The following MEF2A variants were observed in gnomAD, a reference collection of about 807,000 sequenced individuals.
MEF2A encodes the protein myocyte-specific enhancer factor 2A.
Under a neutral mutation model 55.8 loss-of-function variants are expected in MEF2A, and 28 were observed. The observed-to-expected ratio is 0.50, with a 90% CI of 0.37 to 0.69. The LOEUF is 0.69. Among genes scored for constraint, MEF2A ranks in the 30% least tolerant of loss-of-function variants. The probability of loss-of-function intolerance (pLI) is 0.00; values close to 1 mark genes in which losing one functional copy is unlikely to be tolerated. For synonymous variants in MEF2A, 239 were observed against 227.1 expected (o/e 1.05, Z -0.47); for missense variants, 528 against 626.2 (o/e 0.84, Z 1.67).
At chr15:99,610,776 A>C (rs1171974163) in intron 2 of MEF2A, among the ~76,000 whole-genome samples, 3 of 152,240 alleles carry the variant, frequency 2.0e-5, no homozygotes, top group Admixed American at 2.0e-4. Flanking sequence ...GAATTGGCTC[A>C]AAGTGGATCA....
chr15:99,607,321 G>C (rs2153154301), intron 2 of MEF2A, among the ~76,000 whole-genome samples: 1 of 152,180 alleles, frequency 6.6e-6, no homozygotes, highest in South Asian at 2.1e-4. Context: ...TGTAACTTGA[G>C]TTTGTAATCA....
intron 9 of MEF2A, chr15:99,706,450 G>T (rs1330973796): frequency 1.3e-5 from 5 of 386,912 alleles, no homozygotes; most frequent in Middle Eastern, 7.9e-4. Flanking sequence ...CTCATTTTGT[G>T]CAACAAATAG....
intron 11 of MEF2A, 125 bp downstream of exon 11, chr15:99,710,885 T>A: frequency 1.8e-6 from 2 of 1,131,888 alleles, no homozygotes; most frequent in East Asian, 2.6e-5. Context: ...CCTTTTCAGG[T>A]AGATACAAGT....
chr15:99,651,474 T>TTCC (rs2046839929), intron 4 of MEF2A, among the ~76,000 whole-genome samples: 1 of 152,076 alleles, frequency 6.6e-6, no homozygotes, highest in Non-Finnish European at 1.5e-5. Flanking sequence ...AGGGCTGCAG[T>TTCC]GGAGCATCAG....
At chr15:99,635,877 A>G (rs1428214355) in intron 3 of MEF2A, among the ~76,000 whole-genome samples, 1 of 152,158 alleles carries the variant, frequency 6.6e-6, no homozygotes, top group East Asian at 1.9e-4. Flanking sequence ...ACTATTATGA[A>G]GACTGTAATT....
intron 2 of MEF2A, among the ~76,000 whole-genome samples, chr15:99,600,579 G>A (rs748717846): frequency 6.6e-6 from 1 of 152,102 alleles, no homozygotes. Context: ...ATTAATTTTT[G>A]TATATGGTGT....
intron 4 of MEF2A, among the ~76,000 whole-genome samples, chr15:99,652,423 C>T (rs2047007156): frequency 6.6e-6 from 1 of 152,168 alleles, no homozygotes; most frequent in Non-Finnish European, 1.5e-5. Flanking sequence ...TGCTGTGCAA[C>T]CTGGTTCCTA....
chr15:99,601,794 G>A (rs1336092821), intron 2 of MEF2A, among the ~76,000 whole-genome samples: 2 of 147,496 alleles, frequency 1.4e-5, no homozygotes, highest in Non-Finnish European at 3.0e-5. Context: ...TTGGATTGTA[G>A]TTTTTGTCTG....
In MEF2A at chr15:99,633,052, G is replaced by A. The variant is rs1029076341; in HGVS notation, c.-68G>A. ...CAGAAGCTGTGTACGATGCATTAGG[G>A]TATTGAAGAAAATTAACTTTTGAAT... On this transcript the variant is annotated 5_prime_UTR_variant, in exon 3 of 12. Coordinates refer to ENST00000557942, the MANE Select transcript of MEF2A (RefSeq NM_001319206.4). 2 of 1,294,696 alleles carry A rather than the reference G, an allele frequency of 1.5e-6. No individual in the cohort carries two copies. The highest frequency in any genetic ancestry group is 1.1e-6 in the Non-Finnish European group (1 of 916,374). 80.2% of individuals were successfully genotyped at this position (1,294,696 alleles called of 1,614,324 possible).
intron 2 of MEF2A, among the ~76,000 whole-genome samples, chr15:99,608,230 A>G (rs577401976): frequency 6.6e-6 from 1 of 152,252 alleles, no homozygotes; most frequent in African/African-American, 2.4e-5. Context: ...ATTACAAAAA[A>G]AAATTACTTA....
Position 99,675,428 on chromosome 15 carries a change from G to A in MEF2A, c.640G>A (p.Val214Met). The A allele has an allele frequency of 6.2e-7, 1 of 1,613,994 alleles. No homozygotes were observed. The highest frequency in any genetic ancestry group is 1.1e-5 in the South Asian group (1 of 91,084). Residue 214 changes from valine (V) to methionine (M), a missense_variant, in exon 7 of 12, where the codon GTG becomes ATG. Coordinates refer to ENST00000557942, the MANE Select transcript of MEF2A (RefSeq NM_001319206.4). ...GATGTTGAGCACTACAGACCTCACA[G>A]TGCCAAATGGAGCTGGAAGCAGTCC... The part of the protein sequence containing the change: ...GGMLSTTDLT[V>M]PNGAGSSPVG...
At chr15:99,632,921 C>T in intron 2 of MEF2A, 57 bp from the exon 3 acceptor site, 1 of 477,406 alleles carries the variant, frequency 2.1e-6, no homozygotes, top group Non-Finnish European at 3.8e-6. Context: ...TTGTATAACA[C>T]TTACATGATT....
chr15:99,708,724 C>CA (rs1210432969), intron 10 of MEF2A, among the ~76,000 whole-genome samples: 3 of 152,206 alleles, frequency 2.0e-5, no homozygotes, highest in Non-Finnish European at 4.4e-5. Flanking sequence ...GGGGAAGGCA[C>CA]AAGACACACA....
intron 7 of MEF2A, 23 bp downstream of exon 7, chr15:99,675,481 G>A (rs2051793877): frequency 3.8e-6 from 6 of 1,598,734 alleles, no homozygotes; most frequent in African/African-American, 2.7e-5. Flanking sequence ...CTACTCTTCT[G>A]TTTTGTAGGT....
intron 2 of MEF2A, among the ~76,000 whole-genome samples, chr15:99,627,117 G>A (rs2042162903): frequency 6.6e-6 from 1 of 152,060 alleles, no homozygotes; most frequent in Non-Finnish European, 1.5e-5. Context: ...ATGGAGGCAA[G>A]GGGTTGGAGC....
At chr15:99,594,836 A>G (rs148504640) in intron 1 of MEF2A, among the ~76,000 whole-genome samples, 1 of 152,348 alleles carries the variant, frequency 6.6e-6, no homozygotes, top group African/African-American at 2.4e-5. Flanking sequence ...AAAGGGTGTT[A>G]TGAAATTATC....
chr15:99,601,788 A>G (rs1973087451), intron 2 of MEF2A, among the ~76,000 whole-genome samples: 1 of 149,492 alleles, frequency 6.7e-6, no homozygotes. Context: ...AAGGCATTGG[A>G]TTGTAGTTTT....
At chr15:99,582,368 C>A (rs1966190958) in intron 1 of MEF2A, among the ~76,000 whole-genome samples, 1 of 152,048 alleles carries the variant, frequency 6.6e-6, no homozygotes, top group Non-Finnish European at 1.5e-5. Context: ...ATCCCGCTTT[C>A]TTCTTGATTT....
chr15:99,578,599 G>A (rs1965033875), intron 1 of MEF2A, among the ~76,000 whole-genome samples: 1 of 152,120 alleles, frequency 6.6e-6, no homozygotes, highest in South Asian at 2.1e-4. Flanking sequence ...TTGCTACTGG[G>A]GAGTCTTTTT....
Sources: gnomAD v4.1 joint callset for allele counts (sites outside exome capture counted in the v4.1 genomes callset) on GRCh38, gnomAD v4.1.1 for gene constraint, MANE v1.5 for transcripts, NCBI Gene and HGNC (gene_info 2026-07-23, HGNC 2026-07-21) for gene names.